SDK1: variants seen among roughly 807,000 people sequenced by gnomAD.
SDK1 encodes protein sidekick-1.
Under a neutral mutation model 245.5 loss-of-function variants are expected in SDK1, and 157 were observed. The observed-to-expected ratio is 0.64, with a 90% CI of 0.56 to 0.73. The LOEUF (loss-of-function observed/expected upper bound fraction) is 0.73, where lower values mean the gene tolerates loss of function less well. Among genes scored for constraint, SDK1 ranks in the 30% least tolerant of loss-of-function variants. The pLI is 0.00. For synonymous variants in SDK1, 1,647 were observed against 1,278.5 expected (o/e 1.29, Z -6.15); for missense variants, 3,583 against 3,002.3 (o/e 1.19, Z -4.52).
At chr7:3,437,703 C>G (rs1030643492) in intron 1 of SDK1, among the ~76,000 whole-genome samples, 2 of 152,136 alleles carry the variant, frequency 1.3e-5, no homozygotes, top group African/African-American at 4.8e-5. Flanking sequence ...GAGCTGTGAT[C>G]GTGCCACTGC....
intron 1 of SDK1, among the ~76,000 whole-genome samples, chr7:3,509,976 C>T (rs906900236): frequency 4.6e-5 from 7 of 152,232 alleles, no homozygotes; most frequent in East Asian, 3.9e-4. Context: ...TGAATAACAT[C>T]GGTGGGTGGG....
intron 4 of SDK1, among the ~76,000 whole-genome samples, chr7:3,762,502 C>T (rs1051607957): frequency 6.6e-6 from 1 of 152,226 alleles, no homozygotes; most frequent in Non-Finnish European, 1.5e-5. Flanking sequence ...TTAACTTTCA[C>T]CGATACTTGC....
At chr7:3,468,788 A>G (rs1421217702) in intron 1 of SDK1, among the ~76,000 whole-genome samples, 1 of 152,124 alleles carries the variant, frequency 6.6e-6, no homozygotes, top group Non-Finnish European at 1.5e-5. Context: ...AAAAGTGGAC[A>G]ACTTCCCTAG....
chr7:4,050,514 G>C (rs1030237416), intron 18 of SDK1, among the ~76,000 whole-genome samples: 2 of 152,234 alleles, frequency 1.3e-5, no homozygotes, highest in African/African-American at 2.4e-5. Flanking sequence ...GCGTCCTGCA[G>C]CATGTCAACT....
intron 4 of SDK1, among the ~76,000 whole-genome samples, chr7:3,675,413 A>C (rs1331138847): frequency 6.6e-6 from 1 of 152,184 alleles, no homozygotes; most frequent in Non-Finnish European, 1.5e-5. Flanking sequence ...ATCTTTTTTT[A>C]GAATGTAAGT....
At chr7:3,948,655 C>T (rs1003825898) in intron 5 of SDK1, among the ~76,000 whole-genome samples, 3 of 152,198 alleles carry the variant, frequency 2.0e-5, no homozygotes, top group African/African-American at 7.2e-5. Flanking sequence ...TGGATGTGTG[C>T]GGTGCCTGCG....
In SDK1 at chr7:3,402,098, C is replaced by T. The variant is rs116072642; in HGVS notation, c.298+100214C>T. Among the ~76,000 whole-genome samples, 1,053 of 152,262 alleles carry T rather than the reference C, an allele frequency of 6.9e-3. 15 individuals are homozygous for T. Among genetic ancestry groups the T allele is most frequent in the African/African-American group, 0.024 (1,000 of 41,544 alleles). On this transcript the variant is annotated intron_variant, in intron 1 of 44. Transcript: ENST00000404826. ...TTTCTGAGGTTTAGCTTTTATGTGA[C>T]TCACAGATAGAGCAATGTCACAGAA...
At chr7:4,079,811 A>C (rs752907663) in intron 22 of SDK1, among the ~76,000 whole-genome samples, 6 of 152,200 alleles carry the variant, frequency 3.9e-5, no homozygotes, top group Non-Finnish European at 8.8e-5. Context: ...AAGGATAAGA[A>C]GGGTTAAAAT....
chr7:3,336,815 C>A (rs1205847788), intron 1 of SDK1, among the ~76,000 whole-genome samples: 1 of 152,176 alleles, frequency 6.6e-6, no homozygotes, highest in Admixed American at 6.5e-5. Context: ...TGAACTCTCA[C>A]CCCATCTGTC....
intron 1 of SDK1, among the ~76,000 whole-genome samples, chr7:3,350,507 A>C (rs1780631543): frequency 6.6e-6 from 1 of 152,088 alleles, no homozygotes; most frequent in African/African-American, 2.4e-5. Context: ...CTTGGTGGTT[A>C]TTTTGTTGTA....
chr7:3,427,762 A>C (rs1264660441), intron 1 of SDK1, among the ~76,000 whole-genome samples: 3 of 151,864 alleles, frequency 2.0e-5, no homozygotes, highest in African/African-American at 4.8e-5. Context: ...TTCCTCTGGG[A>C]CGTCTTTATT....
intron 1 of SDK1, among the ~76,000 whole-genome samples, chr7:3,524,085 A>G (rs147919332): frequency 1.5e-4 from 23 of 152,318 alleles, no homozygotes; most frequent in Middle Eastern, 3.4e-3. Context: ...GCCTGAGAAG[A>G]AGACATTTAA....
At chr7:4,247,628 T>C (rs1050835974) in intron 44 of SDK1, among the ~76,000 whole-genome samples, 3 of 152,228 alleles carry the variant, frequency 2.0e-5, no homozygotes, top group Non-Finnish European at 4.4e-5. Context: ...CGCTGCTCTT[T>C]CGAGTATCCA....
intron 16 of SDK1, among the ~76,000 whole-genome samples, chr7:4,012,549 CTTTTTTTTTTTTTTTTTTTTTT>C (rs777199429): frequency 5.0e-3 from 129 of 25,982 alleles, no homozygotes; most frequent in Middle Eastern, 0.083. Flanking sequence ...CAATGTGAAG[CTTTTTTTTTTTTTTTTTTTTTT>C]TTTTTTTTTT....
chr7:3,723,933 TATATATATATAGAGAGAGAGAGAGAG>T (rs1778921956), intron 4 of SDK1, among the ~76,000 whole-genome samples: 5 of 119,812 alleles, frequency 4.2e-5, no homozygotes, highest in African/African-American at 1.6e-4. Context: ...CGTATATATA[TATATATATATAGAGAGAGAGAGAGAG>T]AGAGAGAGAG....
intron 35 of SDK1, among the ~76,000 whole-genome samples, chr7:4,183,550 G>T (rs565529769): frequency 1.3e-5 from 2 of 150,442 alleles, no homozygotes; most frequent in Admixed American, 6.7e-5. Context: ...CAGGAGAATC[G>T]CTTGAACCGG....
chr7:4,149,840 C>T (rs867501539), intron 30 of SDK1, among the ~76,000 whole-genome samples: 1 of 152,116 alleles, frequency 6.6e-6, no homozygotes. Context: ...GGGCTGGCCT[C>T]GGGTGTCCAG....
chr7:3,941,975 C>T (rs1036023935), intron 5 of SDK1, among the ~76,000 whole-genome samples: 9 of 143,486 alleles, frequency 6.3e-5, no homozygotes, highest in African/African-American at 2.4e-4. Flanking sequence ...GTGGCGTGAT[C>T]TTGGCTCACC....
chr7:3,920,271 G>C (rs2128112629), intron 5 of SDK1, among the ~76,000 whole-genome samples: 1 of 152,302 alleles, frequency 6.6e-6, no homozygotes, highest in South Asian at 2.1e-4. Context: ...GTTTTAGGAA[G>C]ATGGCACAGG....
Sources: gnomAD v4.1 joint callset for allele counts (sites outside exome capture counted in the v4.1 genomes callset) on GRCh38, gnomAD v4.1.1 for gene constraint, MANE v1.5 for transcripts, NCBI Gene and HGNC (gene_info 2026-07-23, HGNC 2026-07-21) for gene names.